The following SYT1 variants were observed in gnomAD, a reference collection of about 807,000 sequenced individuals.
SYT1 encodes the protein synaptotagmin 1.
In SYT1, 8 loss-of-function variants were observed where a neutral mutation model predicts 44.8. The ratio of observed to expected loss-of-function variants is 0.18; its 90% CI spans 0.10 to 0.32. The LOEUF (loss-of-function observed/expected upper bound fraction) is 0.32. SYT1 is among the 10% of genes least tolerant of loss of function. The probability of loss-of-function intolerance (pLI) is 1.00; values close to 1 mark genes in which losing one functional copy is unlikely to be tolerated. For missense variants in SYT1, 286 were observed against 509.3 expected (o/e 0.56, Z 4.22); for synonymous variants, 154 against 188.8 (o/e 0.82, Z 1.51).
At chr12:78,945,080 C>T (rs1592591255) in intron 1 of SYT1, among the ~76,000 whole-genome samples, 1 of 152,092 alleles carries the variant, frequency 6.6e-6, no homozygotes, top group South Asian at 2.1e-4. Flanking sequence ...ATCAGTTTGC[C>T]TTCCTTGTCG....
chr12:79,419,193 C>A, intron 9 of SYT1: 5 of 474,492 alleles, frequency 1.1e-5, no homozygotes, highest in South Asian at 8.2e-5. Context: ...TTTTAAATTT[C>A]TACTCACATT....
intron 8 of SYT1, among the ~76,000 whole-genome samples, chr12:79,351,191 A>G (rs1882885554): frequency 6.6e-6 from 1 of 152,202 alleles, no homozygotes; most frequent in African/African-American, 2.4e-5. Context: ...TTAAAATTAC[A>G]AGTAACATCA....
rs191741651 is a variant in SYT1 at position 79,099,383 on chromosome 12, G to T, written c.-18+52021G>T. Among the ~76,000 whole-genome samples, 432 of 152,112 alleles carry T rather than the reference G, an allele frequency of 2.8e-3. 2 individuals are homozygous for T. The highest frequency in any genetic ancestry group is 3.1e-3 in the Non-Finnish European group (211 of 67,962). On this transcript the variant is annotated intron_variant, in intron 3 of 10. Coordinates refer to ENST00000261205, the MANE Select transcript of SYT1 (RefSeq NM_005639.3). ...TGAGAGTTTTAAAACAATGCAATTT[G>T]GAATAAACATATGCCTGGTTAATGT...
chr12:79,213,028 ATT>A (rs923190601), intron 3 of SYT1, among the ~76,000 whole-genome samples: 16 of 152,172 alleles, frequency 1.1e-4, no homozygotes, highest in African/African-American at 3.1e-4. Flanking sequence ...TTTTGGTGTT[ATT>A]TTATATTAAT....
chr12:79,071,205 A>G (rs1487169630), intron 3 of SYT1, among the ~76,000 whole-genome samples: 1 of 152,196 alleles, frequency 6.6e-6, no homozygotes, highest in South Asian at 2.1e-4. Flanking sequence ...CTTCTTCAGT[A>G]TATTATTGGC....
chr12:79,077,967 T>C (rs545063734), intron 3 of SYT1, among the ~76,000 whole-genome samples: 1 of 152,314 alleles, frequency 6.6e-6, no homozygotes, highest in East Asian at 1.9e-4. Flanking sequence ...TTCTGAAATA[T>C]TTTTGCATTA....
At chr12:79,146,004 G>T (rs948827753) in intron 3 of SYT1, among the ~76,000 whole-genome samples, 1 of 152,000 alleles carries the variant, frequency 6.6e-6, no homozygotes, top group Non-Finnish European at 1.5e-5. Context: ...TGATCCGCCC[G>T]CCTCGGCCTC....
At chr12:79,003,575 AAAAT>A (rs1485727559) in intron 2 of SYT1, among the ~76,000 whole-genome samples, 1 of 152,056 alleles carries the variant, frequency 6.6e-6, no homozygotes, top group African/African-American at 2.4e-5. Flanking sequence ...ATGTAGTAGT[AAAAT>A]AAACCTAGTA....
intron 2 of SYT1, among the ~76,000 whole-genome samples, chr12:79,007,862 A>G (rs1048955642): frequency 6.6e-6 from 1 of 152,078 alleles, no homozygotes; most frequent in African/African-American, 2.4e-5. Flanking sequence ...ATGCATGTGG[A>G]TAAAAAGTAT....
intron 2 of SYT1, among the ~76,000 whole-genome samples, chr12:79,035,742 T>G (rs1244009045): frequency 6.6e-6 from 1 of 151,562 alleles, no homozygotes; most frequent in Non-Finnish European, 1.5e-5. Flanking sequence ...TTGATATAGC[T>G]GAGAAAATGA....
chr12:79,072,443 A>C (rs1047502528), intron 3 of SYT1, among the ~76,000 whole-genome samples: 1 of 152,158 alleles, frequency 6.6e-6, no homozygotes, highest in African/African-American at 2.4e-5. Context: ...ACACATAAGC[A>C]TAAATACGTA....
intron 1 of SYT1, among the ~76,000 whole-genome samples, chr12:78,948,709 A>G (rs1435916697): frequency 6.6e-6 from 1 of 151,826 alleles, no homozygotes; most frequent in Non-Finnish European, 1.5e-5. Flanking sequence ...TTTTCCTTTC[A>G]TCTTATCACA....
At chr12:79,406,942 A>C (rs889276009) in intron 9 of SYT1, among the ~76,000 whole-genome samples, 1 of 152,026 alleles carries the variant, frequency 6.6e-6, no homozygotes, top group Non-Finnish European at 1.5e-5. Context: ...GGAGGTCATA[A>C]AGACCTTGAT....
intron 8 of SYT1, among the ~76,000 whole-genome samples, chr12:79,308,617 AAAGAAAG>A (rs1880583461): frequency 0.01 from 232 of 22,912 alleles, 1 homozygote; most frequent in African/African-American, 0.035. Flanking sequence ...AAAGAAAAAG[AAAGAAAG>A]AAAGAAAGAA....
chr12:79,339,790 T>C (rs1173415008), intron 8 of SYT1, among the ~76,000 whole-genome samples: 1 of 152,230 alleles, frequency 6.6e-6, no homozygotes, highest in African/African-American at 2.4e-5. Context: ...TTCTAGGGAT[T>C]TTATGGTTTT....
chr12:79,181,596 C>G (rs1872550802), intron 3 of SYT1, among the ~76,000 whole-genome samples: 1 of 151,936 alleles, frequency 6.6e-6, no homozygotes, highest in Non-Finnish European at 1.5e-5. Context: ...TCCTGAGACC[C>G]TATGATCTGA....
chr12:79,044,912 T>TG (rs1328541252), intron 2 of SYT1, among the ~76,000 whole-genome samples: 1 of 152,290 alleles, frequency 6.6e-6, no homozygotes, highest in Non-Finnish European at 1.5e-5. Context: ...GTGCCCCTGC[T>TG]GGGGGGTGCC....
intron 1 of SYT1, among the ~76,000 whole-genome samples, chr12:78,888,626 A>G (rs1874876295): frequency 6.6e-6 from 1 of 151,874 alleles, no homozygotes; most frequent in South Asian, 2.1e-4. Context: ...GGAGTTGTTC[A>G]CTTTTAGGAG....
chr12:79,112,083 G>C lies in SYT1; in HGVS notation c.-18+64721G>C, dbSNP rs1315015172. Among the ~76,000 whole-genome samples the C allele has an allele frequency of 2.6e-5, 4 of 151,000 alleles. No individual in the cohort carries two copies. In the East Asian group the frequency reaches 5.8e-4, roughly 22 times the overall value. On this transcript the variant is annotated intron_variant, in intron 3 of 10. Transcript: ENST00000261205. ...AAAGCAAGAAAGACATGGTATAAGA[G>C]AGTCAACAGTTAGTTGGACAAATTT...
Sources: allele counts gnomAD v4.1 joint callset (sites outside exome capture counted in the v4.1 genomes callset), GRCh38; gene constraint gnomAD v4.1.1; transcripts MANE v1.5; gene names NCBI Gene and HGNC (gene_info 2026-07-23, HGNC 2026-07-21).